The following SRGAP3 variants were observed in gnomAD, a reference collection of about 807,000 sequenced individuals.
The protein encoded by SRGAP3 is SLIT-ROBO Rho GTPase activating protein 3.
In SRGAP3, 39 loss-of-function variants were observed where a neutral mutation model predicts 121.1. The observed-to-expected ratio is 0.32, with a 90% CI of 0.25 to 0.42. The LOEUF (loss-of-function observed/expected upper bound fraction) is 0.42, where lower values mean the gene tolerates loss of function less well. Among genes scored for constraint, SRGAP3 ranks in the 10% least tolerant of loss-of-function variants. The pLI, the probability that SRGAP3 is intolerant of heterozygous loss-of-function variation, is 1.00. For synonymous variants in SRGAP3, 601 were observed against 570.0 expected, an observed-to-expected ratio of 1.05 and a Z score of -0.77; for missense variants, 1,213 against 1,470.6, an observed-to-expected ratio of 0.82 and a Z score of 2.86.
chr3:9,032,477 C>T (rs1018422836), intron 12 of SRGAP3, among the ~76,000 whole-genome samples, 173 bp downstream of exon 12: 2 of 152,204 alleles, frequency 1.3e-5, no homozygotes, highest in Non-Finnish European at 2.9e-5. Flanking sequence ...TGGTTAGAAG[C>T]CACGGCAGCT....
chr3:9,198,492 G>T (rs926427604), intron 1 of SRGAP3, among the ~76,000 whole-genome samples: 2 of 152,194 alleles, frequency 1.3e-5, no homozygotes, highest in African/African-American at 4.8e-5. Flanking sequence ...AATCTACCTA[G>T]CATTCAGTAG....
At chr3:9,134,393 G>A (rs1332242613) in intron 1 of SRGAP3, among the ~76,000 whole-genome samples, 2 of 152,104 alleles carry the variant, frequency 1.3e-5, no homozygotes, top group Non-Finnish European at 2.9e-5. Flanking sequence ...CCTTCCCAGT[G>A]TAAATTTTTA....
intron 3 of SRGAP3, among the ~76,000 whole-genome samples, chr3:9,095,448 T>C (rs968907569): frequency 2.6e-5 from 4 of 152,180 alleles, no homozygotes; most frequent in Non-Finnish European, 4.4e-5. Flanking sequence ...CTTTCCAGAA[T>C]AAATTTCTGT....
chr3:8,988,088 T>C (rs1021874831), intron 21 of SRGAP3, among the ~76,000 whole-genome samples: 1 of 151,904 alleles, frequency 6.6e-6, no homozygotes, highest in African/African-American at 2.4e-5. Flanking sequence ...AGCTGAGTTG[T>C]TTAGGCTGCA....
chr3:9,139,749 C>T (rs936793313), intron 1 of SRGAP3, among the ~76,000 whole-genome samples: 2 of 152,216 alleles, frequency 1.3e-5, no homozygotes, highest in South Asian at 4.1e-4. Flanking sequence ...TGAAGAATTA[C>T]AGAGTACAGT....
intron 1 of SRGAP3, among the ~76,000 whole-genome samples, chr3:9,343,674 A>T (rs1207614088): frequency 6.6e-6 from 1 of 152,112 alleles, no homozygotes; most frequent in Non-Finnish European, 1.5e-5. Context: ...TATATGCTCT[A>T]CTTTTAAATT....
At chr3:9,301,876 G>C (rs1955063140) in intron 3 of SRGAP3, among the ~76,000 whole-genome samples, 1 of 152,190 alleles carries the variant, frequency 6.6e-6, no homozygotes, top group Non-Finnish European at 1.5e-5. Context: ...GAAATCACAG[G>C]TTTCGCATAC....
chr3:9,178,840 G>A (rs936785613), intron 1 of SRGAP3, among the ~76,000 whole-genome samples: 5 of 152,280 alleles, frequency 3.3e-5, no homozygotes, highest in Admixed American at 6.5e-5. Context: ...CCCTAGACCC[G>A]GAGATGTCTC....
Position 9,056,275 on chromosome 3 carries a change from C to G in SRGAP3, c.1083G>C (p.Gln361His). Residue 361 changes from glutamine to histidine, a missense_variant, in exon 8 of 22, where the codon CAG becomes CAC. Physicochemically the swap from Gln to His is conservative, Grantham distance 24. Around this residue, in one of 2 missense-constraint regions of SRGAP3, gnomAD observed 793 missense variants for 1,032.9 expected, o/e 0.77. Transcript: ENST00000383836. ...TGAGGGTGGCCAGTCTGGACTGCAG[C>G]TGGTGATAACGCATGAGCAGTTCTG... ...VQTELLMRYHQLQSRLATLKI... is the reference protein window; with the variant it reads ...VQTELLMRYHHLQSRLATLKI... 1.2e-6 allele frequency: 2 copies of G among 1,614,056 alleles called. No individual in the cohort carries two copies. Among genetic ancestry groups the G allele is most frequent in the Non-Finnish European group, 1.7e-6 (2 of 1,180,012 alleles).
intron 3 of SRGAP3, among the ~76,000 whole-genome samples, chr3:9,309,615 C>G (rs1955210653): frequency 6.6e-6 from 1 of 152,186 alleles, no homozygotes; most frequent in Non-Finnish European, 1.5e-5. Context: ...AATCCCAACA[C>G]TTTGGGAGGC....
intron 1 of SRGAP3, among the ~76,000 whole-genome samples, chr3:9,231,012 C>A (rs1350262822): frequency 6.6e-6 from 1 of 152,172 alleles, no homozygotes; most frequent in Non-Finnish European, 1.5e-5. Context: ...TCCCCCTGCC[C>A]ATTCAGATGA....
At chr3:9,012,224 C>T (rs573234920) in intron 17 of SRGAP3, among the ~76,000 whole-genome samples, 2 of 152,294 alleles carry the variant, frequency 1.3e-5, no homozygotes, top group South Asian at 4.1e-4. Flanking sequence ...CAAATATGCT[C>T]ACAGTACTAA....
chr3:9,073,185 C>T (rs988489707), intron 4 of SRGAP3, among the ~76,000 whole-genome samples: 3 of 152,302 alleles, frequency 2.0e-5, no homozygotes, highest in Middle Eastern at 3.4e-3. Flanking sequence ...ACTCTGTCCC[C>T]CAGGCTGGAG....
chr3:9,332,116 G>GTTATTA (rs145323365), intron 1 of SRGAP3, among the ~76,000 whole-genome samples: 9,458 of 150,926 alleles, frequency 0.063, 359 homozygotes, highest in African/African-American at 0.11. Context: ...TTTCATTGAG[G>GTTATTA]TTATTATTAT....
At chr3:9,284,594 G>T (rs572388884) in intron 3 of SRGAP3, among the ~76,000 whole-genome samples, 1 of 152,250 alleles carries the variant, frequency 6.6e-6, no homozygotes, top group African/African-American at 2.4e-5. Context: ...ATTTTAGAAG[G>T]CTGATCGGAT....
At chr3:9,110,167 G>A (rs1356330817) in intron 2 of SRGAP3, among the ~76,000 whole-genome samples, 1 of 152,184 alleles carries the variant, frequency 6.6e-6, no homozygotes, top group Non-Finnish European at 1.5e-5. Flanking sequence ...GGAGATTGAC[G>A]GGATGGAGTT....
chr3:9,071,506 G>T (rs539188968), intron 4 of SRGAP3, among the ~76,000 whole-genome samples: 1 of 152,262 alleles, frequency 6.6e-6, no homozygotes, highest in East Asian at 1.9e-4. Flanking sequence ...ACTGGAGGGT[G>T]GGGAGAGGCT....
chr3:9,147,121 G>C (rs893769646), intron 1 of SRGAP3, among the ~76,000 whole-genome samples: 4 of 152,158 alleles, frequency 2.6e-5, no homozygotes, highest in Admixed American at 6.5e-5. Context: ...TCAAGATGAG[G>C]AGGCTGAAGT....
intron 3 of SRGAP3, chr3:9,293,215 A>G (rs1399814101): frequency 4.6e-5 from 7 of 152,188 alleles, no homozygotes; most frequent in Admixed American, 4.6e-4. Flanking sequence ...AAATGAGTCA[A>G]CAAAACAATG....
Sources: gnomAD v4.1 joint callset for allele counts (sites outside exome capture counted in the v4.1 genomes callset) on GRCh38, gnomAD v4.1.1 for gene constraint, gnomAD v4.1.1 regional missense constraint, MANE v1.5 for transcripts, NCBI Gene and HGNC (gene_info 2026-07-23, HGNC 2026-07-21) for gene names.